Variants in CCDC18 observed in about 807,000 individuals in gnomAD.
CCDC18 encodes coiled-coil domain-containing protein 18.
In CCDC18, 157 loss-of-function variants were observed where a neutral mutation model predicts 196.0. That is an observed-to-expected ratio of 0.80 (90% CI 0.70 to 0.91). The LOEUF (loss-of-function observed/expected upper bound fraction) is 0.91, where lower values mean the gene tolerates loss of function less well. Ranked by LOEUF, CCDC18 falls within the 40% of genes least tolerant of loss-of-function variation. The pLI is 0.00. For missense variants in CCDC18, 1,465 were observed against 1,611.6 expected, an observed-to-expected ratio of 0.91 and a Z score of 1.56; for synonymous variants, 482 against 529.2, an observed-to-expected ratio of 0.91 and a Z score of 1.22.
intron 23 of CCDC18, among the ~76,000 whole-genome samples, chr1:93,247,827 CCTTT>C (rs1415439289): frequency 1.3e-5 from 2 of 151,906 alleles, no homozygotes; most frequent in Non-Finnish European, 1.5e-5. Context: ...ATTTGGATGC[CCTTT>C]CTTTCTCTTG....
At chr1:93,248,358 G>A (rs1661777921) in intron 23 of CCDC18, among the ~76,000 whole-genome samples, 2 of 151,972 alleles carry the variant, frequency 1.3e-5, no homozygotes, top group African/African-American at 2.4e-5. Flanking sequence ...CTTTTATAAT[G>A]TGAAGATGTT....
At chr1:93,257,745 C>CA (rs1278585020) in intron 25 of CCDC18, among the ~76,000 whole-genome samples, 1 of 152,022 alleles carries the variant, frequency 6.6e-6, no homozygotes, top group East Asian at 1.9e-4. Flanking sequence ...TCAATAGTGT[C>CA]AAAGTATAGT....
chr1:93,221,095 A>C (rs1174508823), intron 14 of CCDC18, among the ~76,000 whole-genome samples: 1 of 152,170 alleles, frequency 6.6e-6, no homozygotes, highest in East Asian at 1.9e-4. Flanking sequence ...GAACATACAC[A>C]TGCATGTATT....
At chr1:93,180,362 G>GGCGGCC (rs1649308241), upstream of CCDC18, 5 of 1,307,302 alleles carry the variant, frequency 3.8e-6, no homozygotes, top group South Asian at 1.4e-5. Flanking sequence ...AACTCCAGGT[G>GGCGGCC]GCGGCCGCGG....
chr1:93,199,587 A>G (rs1202155730), intron 6 of CCDC18, among the ~76,000 whole-genome samples: 5 of 152,196 alleles, frequency 3.3e-5, no homozygotes, highest in Non-Finnish European at 5.9e-5. Context: ...CGTAGTGAGC[A>G]GGGGGCGTGT....
intron 27 of CCDC18, among the ~76,000 whole-genome samples, chr1:93,265,482 T>C (rs1369319065): frequency 6.6e-6 from 1 of 152,234 alleles, no homozygotes; most frequent in African/African-American, 2.4e-5. Context: ...ATCCTACTTA[T>C]ATGAGATACC....
chr1:93,184,378 A>G (rs957071784), intron 3 of CCDC18, among the ~76,000 whole-genome samples: 2 of 151,874 alleles, frequency 1.3e-5, no homozygotes, highest in Non-Finnish European at 3.0e-5. Flanking sequence ...CTACTTTTAA[A>G]CTTACATATT....
chr1:93,266,904 A>G (rs1176013033), intron 27 of CCDC18, among the ~76,000 whole-genome samples: 1 of 152,212 alleles, frequency 6.6e-6, no homozygotes, highest in African/African-American at 2.4e-5. Context: ...AAACTATTCT[A>G]ATCAATAGAA....
chr1:93,213,056 G>A (rs1318354757), intron 11 of CCDC18, among the ~76,000 whole-genome samples: 1 of 152,172 alleles, frequency 6.6e-6, no homozygotes, highest in African/African-American at 2.4e-5. Context: ...TTGTGTTCCT[G>A]TGGGAATCTA....
At chr1:93,204,288 A>G (rs1048154763) in intron 7 of CCDC18, among the ~76,000 whole-genome samples, 1 of 152,132 alleles carries the variant, frequency 6.6e-6, no homozygotes, top group African/African-American at 2.4e-5. Context: ...AAGTGGATAA[A>G]AACAGAAAAA....
intron 4 of CCDC18, among the ~76,000 whole-genome samples, chr1:93,189,034 G>T (rs1335143328): frequency 1.3e-5 from 2 of 152,006 alleles, no homozygotes; most frequent in African/African-American, 4.8e-5. Context: ...ATTGACTATA[G>T]TCACCCTGTT....
chr1:93,232,922 A>G (rs662546), intron 18 of CCDC18, among the ~76,000 whole-genome samples: 43,600 of 152,130 alleles, frequency 0.29, 9,464 homozygotes, highest in African/African-American at 0.61. Context: ...AGTGAGCTGC[A>G]ATCGTGCCCT....
In CCDC18 at chr1:93,264,875, G is replaced by A. The variant is rs376862951; in HGVS notation, c.3859G>A (p.Ala1287Thr). ...CCAAGATAGGAATGAAGTAATTGAA[G>A]CTGCAAATGAAGCATTACTTACTAA... The part of the protein sequence containing the change: ...QVQDRNEVIE[A>T]ANEALLTKES... Residue 1287 changes from alanine to threonine, a missense_variant, in exon 27 of 29, where the codon GCT becomes ACT. Transcript: ENST00000690025. 26 of 1,611,602 alleles carry A rather than the reference G, an allele frequency of 1.6e-5. No individual in the cohort carries two copies. In the African/African-American group the frequency reaches 3.1e-4, roughly 19 times the overall value.
At chr1:93,228,678 CTT>C (rs35733080) in intron 17 of CCDC18, among the ~76,000 whole-genome samples, 3 of 146,188 alleles carry the variant, frequency 2.1e-5, no homozygotes, top group Admixed American at 6.8e-5. Flanking sequence ...TAGGAATGTC[CTT>C]TTTTTTTTTT....
At chr1:93,189,606 C>T (rs541727655) in intron 4 of CCDC18, among the ~76,000 whole-genome samples, 1 of 152,218 alleles carries the variant, frequency 6.6e-6, no homozygotes, top group East Asian at 1.9e-4. Flanking sequence ...TGAAGATTCC[C>T]TTTTTTCCAC....
intron 16 of CCDC18, among the ~76,000 whole-genome samples, chr1:93,222,869 T>G: frequency 6.6e-6 from 1 of 152,206 alleles, no homozygotes; most frequent in South Asian, 2.1e-4. Context: ...GTTTATTCTG[T>G]CATATGTAGC....
Position 93,256,425 on chromosome 1 carries a change from C to T in CCDC18, c.3433C>T (p.Gln1145Ter). The part of the protein sequence containing the change: ...QELRLTREQV[Q>*]NSHTELAEAR... ...ATTGAGGCTGACCCGGGAGCAGGTG[C>T]AGAACTCTCATACAGAATTGGCAGA... The change falls in exon 25 of 29, where the codon CAG (glutamine) becomes TAG (stop). Residue 1145 changes from glutamine (Q) to a stop codon, truncating the protein, a stop_gained. Transcript: ENST00000690025. LOFTEE classifies it high-confidence loss of function. 6.2e-7 allele frequency: 1 copy of T among 1,614,004 alleles called. No individual in the cohort carries two copies. The highest frequency in any genetic ancestry group is 8.5e-7 in the Non-Finnish European group (1 of 1,179,954).
chr1:93,237,521 C>A (rs66501175), intron 19 of CCDC18, among the ~76,000 whole-genome samples: 13,393 of 152,232 alleles, frequency 0.088, 665 homozygotes, highest in African/African-American at 0.13. Flanking sequence ...ACTACTTTTT[C>A]TTTTCTCTTG....
rs1456631985 is a variant in CCDC18 at position 93,248,958 on chromosome 1, G to C, written c.3198+2004G>C. On this transcript the variant is annotated intron_variant, in intron 23 of 28. Transcript: ENST00000690025. ...ACTGCACCCCAGCCTGGGCGACAGA[G>C]TGAAACCCTGTCTCAAAAAAAAAAA... 4.4e-5 allele frequency among the ~76,000 whole-genome samples: 6 copies of C among 137,228 alleles called. No homozygotes were observed. The South Asian group carries it at 9.5e-4, about 22-fold the overall frequency. 90.0% of individuals were successfully genotyped at this position (137,228 alleles called of 152,430 possible). A position where few individuals can be genotyped will look rare whatever the true frequency, so the allele number is the denominator to read the frequency against.
Sources: gnomAD v4.1 joint callset for allele counts (sites outside exome capture counted in the v4.1 genomes callset) on GRCh38, gnomAD v4.1.1 for gene constraint, MANE v1.5 for transcripts, NCBI Gene and HGNC (gene_info 2026-07-23, HGNC 2026-07-21) for gene names.